PDSS2: variants seen among roughly 807,000 people sequenced by gnomAD.
PDSS2 encodes all trans-polyprenyl-diphosphate synthase PDSS2.
In PDSS2, 31 loss-of-function variants were observed where a neutral mutation model predicts 44.5. The ratio of observed to expected loss-of-function variants is 0.70; its 90% CI spans 0.52 to 0.94. The LOEUF is 0.94. Ranked by LOEUF, PDSS2 falls within the 40% of genes least tolerant of loss-of-function variation. The pLI, the probability that PDSS2 is intolerant of heterozygous loss-of-function variation, is 0.00. For synonymous variants in PDSS2, 157 were observed against 180.3 expected, an observed-to-expected ratio of 0.87 and a Z score of 1.03; for missense variants, 452 against 482.2, an observed-to-expected ratio of 0.94 and a Z score of 0.59.
chr6:107,344,518 A>G (rs570687473), intron 1 of PDSS2, among the ~76,000 whole-genome samples: 46 of 152,122 alleles, frequency 3.0e-4, no homozygotes, highest in Non-Finnish European at 3.7e-4. Context: ...GGCCACACAC[A>G]CATCCCACCT....
At chr6:107,383,419 G>A (rs954385615) in intron 1 of PDSS2, among the ~76,000 whole-genome samples, 1 of 150,294 alleles carries the variant, frequency 6.7e-6, no homozygotes, top group Non-Finnish European at 1.5e-5. Context: ...AGATTAAGAT[G>A]CTCTTAGACA....
At chr6:107,430,050 A>C (rs1583074619) in intron 1 of PDSS2, among the ~76,000 whole-genome samples, 1 of 151,054 alleles carries the variant, frequency 6.6e-6, no homozygotes, top group East Asian at 2.0e-4. Context: ...AGCATATACA[A>C]GACCTCTTGA....
chr6:107,245,675 A>G, intron 3 of PDSS2, 56 bp from the exon 4 acceptor site: 1 of 1,118,402 alleles, frequency 8.9e-7, no homozygotes, highest in African/African-American at 1.6e-5. Flanking sequence ...CTCTATTGTT[A>G]CCTCAGAATG....
intron 1 of PDSS2, among the ~76,000 whole-genome samples, chr6:107,344,256 A>G (rs188742234): frequency 7.9e-5 from 12 of 152,170 alleles, no homozygotes; most frequent in Admixed American, 7.2e-4. Context: ...AGAAAAAAAC[A>G]CTCCATGAAA....
chr6:107,343,207 G>T (rs564264153), intron 1 of PDSS2, among the ~76,000 whole-genome samples: 19 of 152,178 alleles, frequency 1.2e-4, no homozygotes, highest in Non-Finnish European at 2.2e-4. Flanking sequence ...TAACATACAT[G>T]AAGTGGGTTG....
At chr6:107,420,683 A>G (rs887847308) in intron 1 of PDSS2, among the ~76,000 whole-genome samples, 2 of 152,224 alleles carry the variant, frequency 1.3e-5, no homozygotes, top group African/African-American at 4.8e-5. Context: ...ACAAAGATCA[A>G]TGCAAAAAGG....
At chr6:107,330,186 T>C (rs1445698758) in intron 2 of PDSS2, among the ~76,000 whole-genome samples, 1 of 152,080 alleles carries the variant, frequency 6.6e-6, no homozygotes, top group East Asian at 1.9e-4. Flanking sequence ...CTTGAATGGG[T>C]CACTTCCCAG....
intron 2 of PDSS2, among the ~76,000 whole-genome samples, chr6:107,278,254 ATCTAAGAGTAAAT>A (rs1301921037): frequency 6.6e-6 from 1 of 152,198 alleles, no homozygotes; most frequent in Non-Finnish European, 1.5e-5. Flanking sequence ...GTCAAATAGT[ATCTAAGAGTAAAT>A]TCATGGTTTA....
chr6:107,340,987 A>G (rs926265071), intron 1 of PDSS2, among the ~76,000 whole-genome samples: 1 of 152,200 alleles, frequency 6.6e-6, no homozygotes, highest in Admixed American at 6.5e-5. Flanking sequence ...ATCTGGAGGC[A>G]TAAGTGGTTT....
chr6:107,384,651 A>AC (rs1408594021), intron 1 of PDSS2, among the ~76,000 whole-genome samples: 1 of 151,402 alleles, frequency 6.6e-6, no homozygotes, highest in East Asian at 1.9e-4. Context: ...CAAAACCAAA[A>AC]AAAAACACAA....
intron 1 of PDSS2, among the ~76,000 whole-genome samples, chr6:107,427,144 T>C (rs183457075): frequency 5.9e-5 from 9 of 152,232 alleles, no homozygotes; most frequent in East Asian, 1.9e-4. Context: ...TGAGAGGTGA[T>C]TGAATTATGG....
intron 4 of PDSS2, among the ~76,000 whole-genome samples, chr6:107,242,294 T>TTTGA (rs1774461990): frequency 6.6e-6 from 1 of 152,102 alleles, no homozygotes; most frequent in South Asian, 2.1e-4. Flanking sequence ...GACGGAGTCT[T>TTTGA]GCTCTGTCGC....
At chr6:107,194,087 A>G (rs1291912402) in intron 6 of PDSS2, among the ~76,000 whole-genome samples, 1 of 152,240 alleles carries the variant, frequency 6.6e-6, no homozygotes, top group African/African-American at 2.4e-5. Flanking sequence ...GCAGGAGTGG[A>G]TGTCACGACT....
In PDSS2 at chr6:107,161,305, C is replaced by T. The variant is rs368824089; in HGVS notation, c.1042-6528G>A. On this transcript the variant is annotated intron_variant, in intron 7 of 7. Transcript: ENST00000369037. ...ACCATCCTGGCTAACACAGAGAAAC[C>T]CCGTCTCTACTAAAAATACAAAAAA... Among the ~76,000 whole-genome samples, 459 of 151,764 alleles carry T rather than the reference C, an allele frequency of 3.0e-3. 3 individuals carry two copies. Among genetic ancestry groups the T allele is most frequent in the African/African-American group, 0.01 (428 of 41,428 alleles).
At chr6:107,192,133 T>G (rs190039312) in intron 7 of PDSS2, among the ~76,000 whole-genome samples, 2 of 152,316 alleles carry the variant, frequency 1.3e-5, no homozygotes, top group African/African-American at 4.8e-5. Context: ...CACTGGGCTC[T>G]CATGCCTGTG....
Position 107,454,047 on chromosome 6 carries a change from C to CTT in PDSS2, c.296+4941_296+4942dup, listed in dbSNP as rs34161602. Among the ~76,000 whole-genome samples, 1,081 of 131,576 alleles carry CTT rather than the reference C, an allele frequency of 8.2e-3. 22 individuals carry two copies. Among genetic ancestry groups the CTT allele is most frequent in the African/African-American group, 0.026 (931 of 35,968 alleles). The allele number at this position is 131,576 out of a possible 152,430, so 86.3% of individuals were successfully genotyped here. ...GGGACAGGGTCCATGTTTCAGACTT[C>CTT]TTTTTTTTTTTTTTTTTTGAGACAA... On this transcript the variant is annotated intron_variant, in intron 1 of 7. Transcript: ENST00000369037.
At chr6:107,310,471 G>A (rs1477260589) in intron 2 of PDSS2, among the ~76,000 whole-genome samples, 1 of 152,016 alleles carries the variant, frequency 6.6e-6, no homozygotes. Context: ...TACCTAGGAC[G>A]CTTTATCTGC....
intron 6 of PDSS2, among the ~76,000 whole-genome samples, chr6:107,209,969 CT>C (rs1224474258): frequency 6.6e-6 from 1 of 151,988 alleles, no homozygotes. Context: ...CTTCGCCATG[CT>C]TTTTTCCCCC....
rs957893648 is a variant in PDSS2, at chr6:107,254,122, C to T, written c.631-8503G>A. On this transcript the variant is annotated intron_variant, in intron 3 of 7. Transcript: ENST00000369037. The stretch of plus-strand genomic sequence containing the variant: ...GATCTCGGCTCACTGCAACCTCTGC[C>T]TCCCGGGTTCAAGTGATTCTCCTGC... Among the ~76,000 whole-genome samples the T allele has an allele frequency of 2.3e-4, 35 of 151,180 alleles. No homozygotes were observed. The East Asian group carries it at 6.0e-3, about 26-fold the overall frequency.
Sources: gnomAD v4.1 joint callset for allele counts (sites outside exome capture counted in the v4.1 genomes callset) on GRCh38, gnomAD v4.1.1 for gene constraint, MANE v1.5 for transcripts, NCBI Gene and HGNC (gene_info 2026-07-23, HGNC 2026-07-21) for gene names.